The following RAB3C variants were observed in gnomAD, a reference collection of about 807,000 sequenced individuals.
The protein encoded by RAB3C is RAB3C, member RAS oncogene family.
A neutral mutation model predicts 26.4 loss-of-function variants in RAB3C; 17 were observed. The observed-to-expected ratio is 0.64, with a 90% CI of 0.44 to 0.97. The LOEUF (loss-of-function observed/expected upper bound fraction) is 0.97, where lower values mean the gene tolerates loss of function less well. Among genes scored for constraint, RAB3C ranks in the 50% least tolerant of loss-of-function variants. The pLI, the probability that RAB3C is intolerant of heterozygous loss-of-function variation, is 0.00. For synonymous variants in RAB3C, 91 were observed against 95.9 expected (o/e 0.95, Z 0.30); for missense variants, 242 against 281.9 (o/e 0.86, Z 1.01).
chr5:58,758,603 A>G (rs6890701), intron 3 of RAB3C, among the ~76,000 whole-genome samples: 51,665 of 152,044 alleles, frequency 0.34, 8,975 homozygotes, highest in South Asian at 0.43. Flanking sequence ...CAGGGTCCCT[A>G]TCCTTAGGGA....
intron 4 of RAB3C, among the ~76,000 whole-genome samples, chr5:58,835,785 T>C (rs528718283): frequency 6.6e-6 from 1 of 152,348 alleles, no homozygotes; most frequent in Non-Finnish European, 1.5e-5. Context: ...AAAATTAAAG[T>C]CAGATATAAG....
At chr5:58,840,414 A>G (rs184406445) in intron 4 of RAB3C, among the ~76,000 whole-genome samples, 1 of 152,192 alleles carries the variant, frequency 6.6e-6, no homozygotes, top group Non-Finnish European at 1.5e-5. Context: ...ATTCTCTTGT[A>G]TCTCAGTTTT....
chr5:58,807,176 A>T (rs1742960907), intron 3 of RAB3C, among the ~76,000 whole-genome samples: 1 of 152,018 alleles, frequency 6.6e-6, no homozygotes, highest in Non-Finnish European at 1.5e-5. Context: ...TTTTCCTGGG[A>T]TGATTTGCTT....
intron 1 of RAB3C, among the ~76,000 whole-genome samples, chr5:58,608,032 C>A (rs566538218): frequency 6.6e-6 from 1 of 152,230 alleles, no homozygotes; most frequent in African/African-American, 2.4e-5. Flanking sequence ...AATTAATGGG[C>A]AAAATAACCA....
intron 1 of RAB3C, among the ~76,000 whole-genome samples, chr5:58,596,637 A>G (rs1200801222): frequency 2.4e-5 from 2 of 84,366 alleles, no homozygotes; most frequent in African/African-American, 5.1e-5. Context: ...CATAATATAT[A>G]AATATATAAT....
intron 3 of RAB3C, among the ~76,000 whole-genome samples, chr5:58,730,118 A>G (rs1017075145): frequency 6.6e-6 from 1 of 151,588 alleles, no homozygotes; most frequent in African/African-American, 2.4e-5. Context: ...TATGGCACCA[A>G]TTATATTTAT....
intron 2 of RAB3C, among the ~76,000 whole-genome samples, chr5:58,716,543 T>C (rs577009961): frequency 2.0e-5 from 3 of 152,140 alleles, no homozygotes; most frequent in Admixed American, 6.6e-5. Flanking sequence ...TAAAAAATGG[T>C]CTACTGCTTC....
At chr5:58,649,745 T>C (rs1297169651) in intron 2 of RAB3C, among the ~76,000 whole-genome samples, 2 of 152,146 alleles carry the variant, frequency 1.3e-5, no homozygotes, top group Non-Finnish European at 2.9e-5. Context: ...GAGATTTTCA[T>C]CCCCACCTCA....
At chr5:58,677,976 T>TTG (rs70973149) in intron 2 of RAB3C, among the ~76,000 whole-genome samples, 50,804 of 147,722 alleles carry the variant, frequency 0.34, 8,817 homozygotes, top group Admixed American at 0.44. Context: ...CTAGATTATT[T>TTG]TGTGTGTGTG....
At chr5:58,774,019 C>CATGCTTCACTCT (rs1261922377) in intron 3 of RAB3C, among the ~76,000 whole-genome samples, 1 of 152,110 alleles carries the variant, frequency 6.6e-6, no homozygotes, top group African/African-American at 2.4e-5. Flanking sequence ...CTACACTCTT[C>CATGCTTCACTCT]ACATGCTTCC....
chr5:58,731,719 A>G (rs1390499565), intron 3 of RAB3C, among the ~76,000 whole-genome samples: 1 of 152,178 alleles, frequency 6.6e-6, no homozygotes, highest in Non-Finnish European at 1.5e-5. Context: ...AGGACAGACT[A>G]TCTGGTAGAA....
At chr5:58,683,710 CA>C (rs1190644975) in intron 2 of RAB3C, among the ~76,000 whole-genome samples, 29 of 152,292 alleles carry the variant, frequency 1.9e-4, no homozygotes, top group African/African-American at 6.0e-4. Context: ...GATGGAATCT[CA>C]CACTGTTCCA....
chr5:58,847,665 C>T (rs1379374542), intron 4 of RAB3C, among the ~76,000 whole-genome samples: 1 of 152,148 alleles, frequency 6.6e-6, no homozygotes, highest in Non-Finnish European at 1.5e-5. Flanking sequence ...AATGAAAAGA[C>T]TGATTCGCTT....
In RAB3C at chr5:58,693,322, TTATATATATATGTGTA is replaced by T. The variant is rs1254466191; in HGVS notation, c.253-32668_253-32653del. On this transcript the variant is annotated intron_variant, in intron 2 of 4. Coordinates refer to ENST00000282878, the MANE Select transcript of RAB3C (RefSeq NM_138453.4). Reference sequence around the variant, plus strand: ...TAATTATATAAATAAAATTAAGAAATTATATATATATGTGTATATATATATATATATATATATATAA... The same window carrying T: ...TAATTATATAAATAAAATTAAGAAATTATATATATATATATATATATATAA... Among the ~76,000 whole-genome samples, 49 of 75,206 alleles carry T rather than the reference TTATATATATATGTGTA, an allele frequency of 6.5e-4. 1 individual carries two copies. The highest frequency in any genetic ancestry group is 3.3e-3 in the African/African-American group (49 of 15,024). The allele number at this position is 75,206 out of a possible 152,430, so 49.3% of individuals were successfully genotyped here. A position where few individuals can be genotyped will look rare whatever the true frequency, so the allele number is the denominator to read the frequency against.
chr5:58,632,396 A>C (rs1260683225), intron 2 of RAB3C, among the ~76,000 whole-genome samples: 1 of 152,202 alleles, frequency 6.6e-6, no homozygotes, highest in Non-Finnish European at 1.5e-5. Context: ...TACTGAATTC[A>C]TATCTCTCTG....
chr5:58,838,104 G>T (rs572082209), intron 4 of RAB3C, among the ~76,000 whole-genome samples: 4 of 152,198 alleles, frequency 2.6e-5, no homozygotes, highest in South Asian at 4.1e-4. Flanking sequence ...TTTTGGCCAG[G>T]TGCGGTGGGC....
Position 58,725,520 on chromosome 5 carries a change from A to G in RAB3C, c.253-482A>G, listed in dbSNP as rs118047427. Among the ~76,000 whole-genome samples the G allele has an allele frequency of 9.9e-5, 15 of 151,990 alleles. No individual in the cohort carries two copies. The East Asian group carries it at 2.9e-3, about 30-fold the overall frequency. ...TATTATTTCTTTAAATAAGCTTTCT[A>G]TCCCTTGCTCCTGCTCAACTCTTTT... On this transcript the variant is annotated intron_variant, in intron 2 of 4. Transcript: ENST00000282878.
At chr5:58,677,104 G>C (rs535401292) in intron 2 of RAB3C, among the ~76,000 whole-genome samples, 1 of 152,120 alleles carries the variant, frequency 6.6e-6, no homozygotes, top group Non-Finnish European at 1.5e-5. Flanking sequence ...GTGGCTTGAG[G>C]CAGCATAACT....
chr5:58,661,409 A>G (rs896860995), intron 2 of RAB3C, among the ~76,000 whole-genome samples: 3 of 150,090 alleles, frequency 2.0e-5, no homozygotes, highest in Non-Finnish European at 4.4e-5. Context: ...ACCCAAAGGA[A>G]TTGTTAATTT....
Sources: gnomAD v4.1 joint callset for allele counts (sites outside exome capture counted in the v4.1 genomes callset) on GRCh38, gnomAD v4.1.1 for gene constraint, MANE v1.5 for transcripts, NCBI Gene and HGNC (gene_info 2026-07-23, HGNC 2026-07-21) for gene names.